Variants in GRAP2 observed in about 807,000 individuals in gnomAD.
GRAP2 encodes the protein GRB2 related adaptor protein 2.
In GRAP2, 31 loss-of-function variants were observed where a neutral mutation model predicts 43.5. The ratio of observed to expected loss-of-function variants is 0.71; its 90% CI spans 0.54 to 0.96. The LOEUF is 0.96. GRAP2 is among the 40% of genes least tolerant of loss of function. The pLI is 0.00. For synonymous variants in GRAP2, 156 were observed against 164.8 expected (o/e 0.95, Z 0.41); for missense variants, 371 against 424.4 (o/e 0.87, Z 1.11).
chr22:39,934,763 C>A (rs548101910), intron 1 of GRAP2, among the ~76,000 whole-genome samples: 2 of 151,978 alleles, frequency 1.3e-5, no homozygotes, highest in African/African-American at 4.8e-5. Context: ...CCCAGCTACT[C>A]GGGAAGCTGA....
At chr22:39,942,610 C>A (rs2066882333) in intron 1 of GRAP2, among the ~76,000 whole-genome samples, 1 of 151,186 alleles carries the variant, frequency 6.6e-6, no homozygotes, top group Admixed American at 6.6e-5. Flanking sequence ...CATAGTGAGA[C>A]CCCGATCTCT....
intron 4 of GRAP2, among the ~76,000 whole-genome samples, chr22:39,962,618 A>C (rs1207523640): frequency 6.6e-6 from 1 of 152,126 alleles, no homozygotes; most frequent in Non-Finnish European, 1.5e-5. Flanking sequence ...GTTTGCATGA[A>C]GATGACTCTG....
intron 1 of GRAP2, among the ~76,000 whole-genome samples, chr22:39,941,694 CCAT>C (rs2066872718): frequency 6.6e-6 from 1 of 152,134 alleles, no homozygotes; most frequent in Non-Finnish European, 1.5e-5. Context: ...CATTCATTTA[CCAT>C]CATCTAAGGC....
chr22:39,957,026 G>A (rs1423579624), intron 3 of GRAP2, among the ~76,000 whole-genome samples: 1 of 152,102 alleles, frequency 6.6e-6, no homozygotes, highest in Non-Finnish European at 1.5e-5. Flanking sequence ...GGGGGAAGGG[G>A]AAATTCTCTT....
intron 5 of GRAP2, among the ~76,000 whole-genome samples, chr22:39,967,543 ACG>A: frequency 6.6e-6 from 1 of 152,190 alleles, no homozygotes; most frequent in Non-Finnish European, 1.5e-5. Context: ...TTCTTCCCCC[ACG>A]TCCAGCCCGG....
intron 1 of GRAP2, among the ~76,000 whole-genome samples, chr22:39,925,257 A>C (rs1206250772): frequency 3.9e-5 from 6 of 152,218 alleles, no homozygotes; most frequent in Non-Finnish European, 5.9e-5. Context: ...TGAGATCATG[A>C]GACCCTGACC....
At chr22:39,906,073 T>C (rs1308970843) in intron 1 of GRAP2, among the ~76,000 whole-genome samples, 1 of 151,942 alleles carries the variant, frequency 6.6e-6, no homozygotes, top group Non-Finnish European at 1.5e-5. Context: ...AGGAGAACTA[T>C]GAAGTAATGG....
chr22:39,914,060 C>T (rs1438476513), intron 1 of GRAP2, among the ~76,000 whole-genome samples: 1 of 152,132 alleles, frequency 6.6e-6, no homozygotes, highest in African/African-American at 2.4e-5. Context: ...CTCTCCCTGA[C>T]CTTTTAATCC....
chr22:39,928,548 G>A lies in GRAP2; in HGVS notation c.-14-18545G>A, dbSNP rs561804430. 3.9e-5 allele frequency among the ~76,000 whole-genome samples: 6 copies of A among 152,312 alleles called. No homozygotes were observed. The East Asian group carries it at 1.2e-3, about 29-fold the overall frequency. ...ATTGATTAAATCCCTGGCATTTATG[G>A]AGGAGCCTACTGTGTTGGGTGCTAT... On this transcript the variant is annotated intron_variant, in intron 1 of 7. Coordinates refer to ENST00000344138, the MANE Select transcript of GRAP2 (RefSeq NM_004810.4).
intron 4 of GRAP2, 48 bp downstream of exon 4, chr22:39,960,222 C>T: frequency 6.3e-7 from 1 of 1,582,102 alleles, no homozygotes; most frequent in East Asian, 2.2e-5. Flanking sequence ...GCCTGTTAAC[C>T]TCACAGAATG....
intron 3 of GRAP2, among the ~76,000 whole-genome samples, chr22:39,957,047 A>G (rs2067061280): frequency 6.6e-6 from 1 of 152,160 alleles, no homozygotes. Context: ...CCTAAAGAGG[A>G]AATGAAAAAT....
chr22:39,910,087 C>A (rs891640848), intron 1 of GRAP2, among the ~76,000 whole-genome samples: 13 of 152,192 alleles, frequency 8.5e-5, no homozygotes, highest in African/African-American at 3.1e-4. Context: ...GTTCTTGTAA[C>A]CACTCCTCCT....
chr22:39,967,570 C>G (rs1202351996), intron 5 of GRAP2, among the ~76,000 whole-genome samples: 2 of 152,166 alleles, frequency 1.3e-5, no homozygotes, highest in Admixed American at 6.5e-5. Context: ...AGGCCTGGTT[C>G]CCATGGTGTT....
At chr22:39,933,733 C>T (rs1192692966) in intron 1 of GRAP2, among the ~76,000 whole-genome samples, 2 of 151,656 alleles carry the variant, frequency 1.3e-5, no homozygotes, top group Non-Finnish European at 2.9e-5. Context: ...CCCAGCTCCT[C>T]AGGAGGCTGA....
In GRAP2 at chr22:39,971,064, G is replaced by A. The variant is rs1393524015; in HGVS notation, c.973G>A (p.Val325Met). 2.0e-5 allele frequency: 33 copies of A among 1,613,004 alleles called. 1 individual carries two copies. In the Admixed American group the frequency reaches 3.7e-4, roughly 18 times the overall value. The change falls in exon 8 of 8, where the codon GTG (valine) becomes ATG (methionine). Residue 325 changes from valine to methionine, a missense_variant. By Grantham distance (21) the Val-to-Met change is conservative (BLOSUM62 1). Transcript: ENST00000344138. The stretch of plus-strand genomic sequence containing the variant: ...GCTGGGCCTCTTCCCTGCCAACTAC[G>A]TGGCACCCATGACCCGATAAACTCT... ...NKLGLFPANY[V>M]APMTR
At chr22:39,967,768 C>T (rs560014010) in intron 5 of GRAP2, among the ~76,000 whole-genome samples, 124 of 152,214 alleles carry the variant, frequency 8.1e-4, no homozygotes, top group African/African-American at 2.9e-3. Context: ...AAAAAACGAG[C>T]GCCCTGGAAA....
upstream of GRAP2, among the ~76,000 whole-genome samples, chr22:39,898,832 AAAAAC>A (rs2066475600): frequency 6.6e-6 from 1 of 152,192 alleles, no homozygotes; most frequent in Non-Finnish European, 1.5e-5. Context: ...AAATAAAACA[AAAAAC>A]AAAACAAAAC....
intron 1 of GRAP2, among the ~76,000 whole-genome samples, chr22:39,919,226 C>T (rs2066629366): frequency 6.6e-6 from 1 of 152,116 alleles, no homozygotes. Flanking sequence ...ATAATTTAAT[C>T]TAATATTAAG....
intron 3 of GRAP2, among the ~76,000 whole-genome samples, chr22:39,956,346 C>T (rs1019331082): frequency 1.3e-5 from 2 of 151,356 alleles, no homozygotes; most frequent in Admixed American, 6.6e-5. Context: ...TTAGTAGAGA[C>T]AGGGTTTTAC....
Sources: allele counts gnomAD v4.1 joint callset (sites outside exome capture counted in the v4.1 genomes callset), GRCh38; gene constraint gnomAD v4.1.1; transcripts MANE v1.5; gene names NCBI Gene and HGNC (gene_info 2026-07-23, HGNC 2026-07-21).